The following DTWD2 variants were observed in gnomAD, a reference collection of about 807,000 sequenced individuals.
DTWD2 encodes the protein tRNA-uridine aminocarboxypropyltransferase 2.
DTWD2 carries 39 observed loss-of-function variants against 31.8 expected under a neutral mutation model. That is an observed-to-expected ratio of 1.22 (90% confidence interval 0.95 to 1.60). The LOEUF is 1.60. Ranked by LOEUF, DTWD2 falls within the 40% of genes most tolerant of loss-of-function variation. The pLI is 0.00. For synonymous variants in DTWD2, 180 were observed against 142.8 expected (o/e 1.26, Z -1.86); for missense variants, 515 against 381.5 (o/e 1.35, Z -2.92).
chr5:118,897,314 A>G (rs1330887686), intron 4 of DTWD2, among the ~76,000 whole-genome samples: 1 of 152,216 alleles, frequency 6.6e-6, no homozygotes, highest in African/African-American at 2.4e-5. Context: ...GTGAAGTGTT[A>G]TCTACAACAG....
At chr5:118,974,037 C>T in intron 1 of DTWD2, 1 of 1,605,826 alleles carries the variant, frequency 6.2e-7, no homozygotes, top group Non-Finnish European at 8.5e-7. Context: ...GATGAGGAAG[C>T]TGAGACAGCT....
rs184541400 is a variant in DTWD2, at chr5:118,940,392, A to G, written c.310-1102T>C. On this transcript the variant is annotated intron_variant, in intron 2 of 5. Transcript: ENST00000510708. ...ACCTTTATCAAAGTAATACATGTAT[A>G]TATGTCAAATTAAATAGTGCCATAA... Among the ~76,000 whole-genome samples, 132 of 152,330 alleles carry G rather than the reference A, an allele frequency of 8.7e-4. 1 individual carries two copies. Among genetic ancestry groups the G allele is most frequent in the Non-Finnish European group, 1.2e-3 (82 of 68,018 alleles).
At chr5:118,917,376 G>C (rs1002311539) in intron 4 of DTWD2, among the ~76,000 whole-genome samples, 1 of 152,128 alleles carries the variant, frequency 6.6e-6, no homozygotes, top group African/African-American at 2.4e-5. Flanking sequence ...AAGGGAAAAA[G>C]AAACAGCCAG....
In DTWD2 at chr5:118,944,658, T is replaced by TA. The variant is rs1385251060; in HGVS notation, c.219-10dup. The TA allele has an allele frequency of 1.9e-6, 3 of 1,609,258 alleles. No individual in the cohort carries two copies. In the African/African-American group the frequency reaches 4.0e-5, roughly 22 times the overall value. On this transcript the variant is annotated splice_polypyrimidine_tract_variant and intron_variant, in intron 1 of 5. Transcript: ENST00000510708. ...ACACTTTCTGAGGCCGGCTAAAGGG[T>TA]AAAAAGAAAAATAAAACTGGTAAAT... is the stretch of plus-strand genomic sequence containing the variant.
chr5:118,898,493 A>G (rs371597333), intron 4 of DTWD2, among the ~76,000 whole-genome samples: 1 of 151,022 alleles, frequency 6.6e-6, no homozygotes, highest in Non-Finnish European at 1.5e-5. Context: ...CCCCGTCGCT[A>G]CTGAAAAAAA....
chr5:118,874,499 A>G (rs151173798), intron 4 of DTWD2, among the ~76,000 whole-genome samples: 19 of 152,332 alleles, frequency 1.2e-4, no homozygotes, highest in African/African-American at 4.3e-4. Flanking sequence ...AAAAGAGCCA[A>G]TATAGAGAAG....
At chr5:118,870,088 C>A (rs1409514651) in intron 4 of DTWD2, among the ~76,000 whole-genome samples, 1 of 152,126 alleles carries the variant, frequency 6.6e-6, no homozygotes, top group Non-Finnish European at 1.5e-5. Flanking sequence ...CTTGCCCTCC[C>A]CAGAAGCAGA....
At chr5:118,855,675 C>T (rs1752117048) in intron 4 of DTWD2, among the ~76,000 whole-genome samples, 1 of 152,122 alleles carries the variant, frequency 6.6e-6, no homozygotes, top group South Asian at 2.1e-4. Flanking sequence ...TAGCATATAA[C>T]TCAAGGTTAC....
intron 4 of DTWD2, among the ~76,000 whole-genome samples, chr5:118,870,390 C>T (rs941998671): frequency 1.3e-5 from 2 of 152,108 alleles, no homozygotes; most frequent in Admixed American, 1.3e-4. Flanking sequence ...TTGGTTATTT[C>T]TTTGTATATT....
chr5:118,976,281 C>G (rs1755157012), intron 1 of DTWD2, among the ~76,000 whole-genome samples: 1 of 151,882 alleles, frequency 6.6e-6, no homozygotes, highest in African/African-American at 2.4e-5. Flanking sequence ...ATTAAAAGAA[C>G]TAAAGCAAGA....
At position 118,914,522 on chromosome 5, in the gene DTWD2, GC is replaced by G. The variant is rs1466222151; in HGVS notation, c.597+14014del. 2.0e-5 allele frequency among the ~76,000 whole-genome samples: 3 copies of G among 152,030 alleles called. 1 individual carries two copies. The highest frequency in any genetic ancestry group is 4.4e-5 in the Non-Finnish European group (3 of 68,030). ...AATGTTTATTGAGCACAGGTACAAC[GC>G]AAAATCCTTGACTACAGTAAATATA... On this transcript the variant is annotated intron_variant, in intron 4 of 5. Coordinates refer to ENST00000510708, the MANE Select transcript of DTWD2 (RefSeq NM_173666.4).
Position 118,840,939 on chromosome 5 carries a change from A to G in DTWD2, c.875T>C (p.Leu292Ser). Residue 292 changes from leucine (L) to serine (S), a missense_variant, in exon 6 of 6, where the codon TTA (leucine) becomes TCA (serine). Physicochemically the swap from Leu to Ser is moderately radical, Grantham distance 145. Coordinates refer to ENST00000510708, the MANE Select transcript of DTWD2 (RefSeq NM_173666.4). ...GTACTAAATTTTAACACTATTCATT[A>G]ACAATTCCATTTTCCTGAGTTTGCG... ...NKRKLRKMEL[L>S]MNSVKI 1.9e-6 allele frequency: 3 copies of G among 1,613,684 alleles called. No homozygotes were observed. The highest frequency in any genetic ancestry group is 2.5e-6 in the Non-Finnish European group (3 of 1,179,734).
At chr5:118,882,017 T>C (rs1043495996) in intron 4 of DTWD2, among the ~76,000 whole-genome samples, 1 of 152,090 alleles carries the variant, frequency 6.6e-6, no homozygotes, top group African/African-American at 2.4e-5. Flanking sequence ...AACCCAAAAG[T>C]CCAAGTTCAA....
In DTWD2 at chr5:118,963,520, C is replaced by T. The variant is rs1383017416; in HGVS notation, c.219-18871G>A. Among the ~76,000 whole-genome samples the T allele has an allele frequency of 2.0e-5, 3 of 152,124 alleles. No individual in the cohort carries two copies. The East Asian group carries it at 5.8e-4, about 29-fold the overall frequency. ...ATGTTACACAAAAGATTCTGAACTC[C>T]CTTCTTTACCTAAAATATAAGCATT... is the stretch of plus-strand genomic sequence containing the variant. On this transcript the variant is annotated intron_variant, in intron 1 of 5. Coordinates refer to ENST00000510708, the MANE Select transcript of DTWD2 (RefSeq NM_173666.4).
intron 4 of DTWD2, among the ~76,000 whole-genome samples, chr5:118,882,677 T>C (rs923057564): frequency 6.6e-6 from 1 of 152,248 alleles, no homozygotes; most frequent in Non-Finnish European, 1.5e-5. Flanking sequence ...TGCCAAAGCT[T>C]GGGGCTTGCA....
intron 1 of DTWD2, among the ~76,000 whole-genome samples, chr5:118,978,225 C>G (rs1755211191): frequency 6.6e-6 from 1 of 151,832 alleles, no homozygotes; most frequent in South Asian, 2.1e-4. Flanking sequence ...AAAACTAACT[C>G]AAGATGAATT....
At chr5:118,976,431 A>G (rs1207360555) in intron 1 of DTWD2, among the ~76,000 whole-genome samples, 3 of 152,164 alleles carry the variant, frequency 2.0e-5, no homozygotes, top group African/African-American at 7.2e-5. Flanking sequence ...AACAAAATAG[A>G]TAGACTGCTA....
chr5:118,971,429 GCTAA>G (rs1469486046), intron 1 of DTWD2, among the ~76,000 whole-genome samples: 1 of 152,146 alleles, frequency 6.6e-6, no homozygotes, highest in Non-Finnish European at 1.5e-5. Flanking sequence ...AACAAGGAGA[GCTAA>G]CTATCCTAAA....
At chr5:118,851,922 C>T (rs1415275029) in intron 4 of DTWD2, among the ~76,000 whole-genome samples, 1 of 152,040 alleles carries the variant, frequency 6.6e-6, no homozygotes, top group African/African-American at 2.4e-5. Context: ...CTGGGGTTTT[C>T]CCAATCCTAG....
Sources: gnomAD v4.1 joint callset for allele counts (sites outside exome capture counted in the v4.1 genomes callset) on GRCh38, gnomAD v4.1.1 for gene constraint, MANE v1.5 for transcripts, NCBI Gene and HGNC (gene_info 2026-07-23, HGNC 2026-07-21) for gene names.